The following SYT7 variants were observed in gnomAD, a reference collection of about 807,000 sequenced individuals.
The protein encoded by SYT7 is synaptotagmin 7, also known as synaptotagmin-7.
SYT7 carries 29 observed loss-of-function variants against 75.1 expected under a neutral mutation model. The ratio of observed to expected loss-of-function variants is 0.39; its 90% CI spans 0.29 to 0.53. The LOEUF is 0.53. Among genes scored for constraint, SYT7 ranks in the 20% least tolerant of loss-of-function variants. The pLI, the probability that SYT7 is intolerant of heterozygous loss-of-function variation, is 0.77. For missense variants in SYT7, 693 were observed against 953.2 expected (o/e 0.73, Z 3.59); for synonymous variants, 376 against 401.7 (o/e 0.94, Z 0.76).
At chr11:61,549,420 G>A (rs2063285001) in intron 3 of SYT7, among the ~76,000 whole-genome samples, 2 of 152,200 alleles carry the variant, frequency 1.3e-5, no homozygotes, top group African/African-American at 4.8e-5. Flanking sequence ...TTGGCCGTGA[G>A]ACCCTTGGTT....
chr11:61,587,471 A>C, the SYT7 span, among the ~76,000 whole-genome samples: 1 of 152,238 alleles, frequency 6.6e-6, no homozygotes, highest in South Asian at 2.1e-4. Flanking sequence ...AGGCTCTGAG[A>C]AGTCCAGGGT....
At chr11:61,530,110 C>T (rs1462229915) in intron 8 of SYT7, among the ~76,000 whole-genome samples, 2 of 152,208 alleles carry the variant, frequency 1.3e-5, no homozygotes, top group East Asian at 1.9e-4. Flanking sequence ...ACTGTGGCTG[C>T]GAGCACAGAC....
chr11:61,525,315 G>A (rs907547643), intron 9 of SYT7, among the ~76,000 whole-genome samples: 4 of 152,096 alleles, frequency 2.6e-5, no homozygotes, highest in South Asian at 2.1e-4. Flanking sequence ...AATAAAAGCC[G>A]GGCACCCTAC....
At chr11:61,531,059 C>T (rs2062690158) in intron 8 of SYT7, 1 of 985,338 alleles carries the variant, frequency 1.0e-6, no homozygotes, top group Non-Finnish European at 1.2e-6. Flanking sequence ...GTGCTTAACT[C>T]TTGTCTCTTG....
upstream of SYT7, among the ~76,000 whole-genome samples, chr11:61,584,069 A>G (rs912998119): frequency 2.0e-5 from 3 of 152,192 alleles, no homozygotes; most frequent in Non-Finnish European, 4.4e-5. Context: ...AAGTTTAAGC[A>G]TGGTGAAAAA....
chr11:61,580,699 G>T lies in SYT7; in HGVS notation c.31+91C>A. On this transcript the variant is annotated intron_variant, in intron 1 of 12. Coordinates refer to ENST00000539008, the MANE Select transcript of SYT7 (RefSeq NM_001365809.2). The surrounding 1 kb of genome is among the most constrained non-coding windows in gnomAD (Gnocchi z 6.1). ...CCCGTGCGGCTCCGGGCGGACAACAGCCCCAGGCTGGGGCTCCGAGACGGC... is the reference window on the plus strand; with the variant it reads ...CCCGTGCGGCTCCGGGCGGACAACATCCCCAGGCTGGGGCTCCGAGACGGC... The T allele has an allele frequency of 1.1e-6, 1 of 907,330 alleles. No individual in the cohort carries two copies. The highest frequency in any genetic ancestry group is 1.4e-6 in the Non-Finnish European group (1 of 701,240). The allele number at this position is 907,330 out of a possible 1,614,324, so 56.2% of individuals were successfully genotyped here. A position where few individuals can be genotyped will look rare whatever the true frequency, so the allele number is the denominator to read the frequency against.
rs1351340015 is a variant in SYT7, at chr11:61,581,054, TCCGGCCTGCGCG to T, written c.-246_-235del. ...GCCGAACAGCGCCGAGCCGCCTCCC[TCCGGCCTGCGCG>T]CCGCGTGTGCGCGCCGGAGCGTGTG... is the stretch of plus-strand genomic sequence containing the variant. On this transcript the variant is annotated 5_prime_UTR_variant, in exon 1 of 13. Coordinates refer to ENST00000539008, the MANE Select transcript of SYT7 (RefSeq NM_001365809.2). 3.8e-5 allele frequency: 23 copies of T among 603,364 alleles called. No individual in the cohort carries two copies. Among genetic ancestry groups the T allele is most frequent in the Non-Finnish European group, 4.3e-5 (21 of 488,766 alleles). The allele number at this position is 603,364 out of a possible 1,614,324, so 37.4% of individuals were successfully genotyped here. A position where few individuals can be genotyped will look rare whatever the true frequency, so the allele number is the denominator to read the frequency against.
At chr11:61,550,854 G>A (rs761331190) in intron 3 of SYT7, among the ~76,000 whole-genome samples, 1 of 152,182 alleles carries the variant, frequency 6.6e-6, no homozygotes, top group East Asian at 1.9e-4. Context: ...ACAGCGGCCG[G>A]TGGGGTTGAC....
intron 1 of SYT7, among the ~76,000 whole-genome samples, chr11:61,569,790 C>A (rs1031518990): frequency 6.6e-6 from 1 of 152,110 alleles, no homozygotes; most frequent in South Asian, 2.1e-4. Flanking sequence ...CGGGGGAGGA[C>A]GGCTTGGAGT....
At chr11:61,564,872 G>A (rs1422216534) in intron 1 of SYT7, among the ~76,000 whole-genome samples, 4 of 152,272 alleles carry the variant, frequency 2.6e-5, no homozygotes, top group Admixed American at 2.6e-4. Flanking sequence ...TCAATAGATA[G>A]AGTCTCAGCT....
chr11:61,532,690 A>T (rs986071165), intron 8 of SYT7, among the ~76,000 whole-genome samples: 16 of 152,182 alleles, frequency 1.1e-4, no homozygotes, highest in African/African-American at 3.9e-4. Flanking sequence ...GCCCCTTCTC[A>T]ATCCACAAAG....
At chr11:61,578,207 G>A (rs777008489) in intron 1 of SYT7, among the ~76,000 whole-genome samples, 3 of 152,228 alleles carry the variant, frequency 2.0e-5, no homozygotes, top group African/African-American at 7.2e-5. Flanking sequence ...CAAGGGCCTG[G>A]GGGCCTGAGG....
At chr11:61,534,368 C>T (rs963440273) in intron 7 of SYT7, among the ~76,000 whole-genome samples, 38 of 152,264 alleles carry the variant, frequency 2.5e-4, no homozygotes, top group African/African-American at 7.9e-4. Context: ...GGTGCACGTG[C>T]GCACACACAC....
At chr11:61,566,548 A>G (rs1769762280) in intron 1 of SYT7, among the ~76,000 whole-genome samples, 1 of 152,108 alleles carries the variant, frequency 6.6e-6, no homozygotes, top group African/African-American at 2.4e-5. Flanking sequence ...CTCCCCACCC[A>G]CCTTGATCCC....
In SYT7 at chr11:61,542,607, A is replaced by C; in HGVS notation, c.573-28T>G. 6.8e-7 allele frequency: 1 copy of C among 1,464,622 alleles called. No homozygotes were observed. Among genetic ancestry groups the C allele is most frequent in the Non-Finnish European group, 9.0e-7 (1 of 1,111,498 alleles). 90.7% of individuals were successfully genotyped at this position (1,464,622 alleles called of 1,614,324 possible). A position where few individuals can be genotyped will look rare whatever the true frequency, so the allele number is the denominator to read the frequency against. On this transcript the variant is annotated intron_variant, in intron 5 of 12. Coordinates refer to ENST00000539008, the MANE Select transcript of SYT7 (RefSeq NM_001365809.2). The surrounding 1 kb of genome is among the most constrained non-coding windows in gnomAD (Gnocchi z 7.8). ...TGGGGCAGGTGGAGGAGAGGAGAGA[A>C]AGGAGAAGCAGATGAAGGGATCACA...
chr11:61,546,031 T>C lies in SYT7; in HGVS notation c.572A>G (p.Asn191Ser). 1 of 1,533,168 alleles carries C rather than the reference T, an allele frequency of 6.5e-7. No homozygotes were observed. The highest frequency in any genetic ancestry group is 8.7e-7 in the Non-Finnish European group (1 of 1,145,586). 95.0% of individuals were successfully genotyped at this position (1,533,168 alleles called of 1,614,324 possible). Residue 191 changes from asparagine (N) to serine (S), a missense_variant and splice_region_variant, in exon 5 of 13, where the codon AAT (asparagine) becomes AGT (serine). Around this residue, in one of 2 missense-constraint regions of SYT7, gnomAD observed 487 missense variants for 593.2 expected, o/e 0.82. Coordinates refer to ENST00000539008, the MANE Select transcript of SYT7 (RefSeq NM_001365809.2). The surrounding 1 kb of genome is among the most constrained non-coding windows in gnomAD (Gnocchi z 7.6). The part of the protein sequence containing the change: ...HLAAGKLNLS[N>S]FEDSTLSTAT... ...GCAGCCATGGGGCGCCATCACTCAC[T>C]TGGACAAGTTGAGCTTCCCTGCGGC...
intron 6 of SYT7, chr11:61,539,537 C>G (rs1336325591): frequency 6.6e-6 from 1 of 152,048 alleles, no homozygotes; most frequent in Non-Finnish European, 1.5e-5. Flanking sequence ...CAGGAAAGCT[C>G]GTCTCAAGAA....
At position 61,551,856 on chromosome 11, in the gene SYT7, G is replaced by A. The variant is rs1590906003; in HGVS notation, c.136-393C>T. Among the ~76,000 whole-genome samples, 2 of 152,316 alleles carry A rather than the reference G, an allele frequency of 1.3e-5. No individual in the cohort carries two copies. Among genetic ancestry groups the A allele is most frequent in the South Asian group, 4.1e-4 (2 of 4,832 alleles). On this transcript the variant is annotated intron_variant, in intron 2 of 12. Transcript: ENST00000539008. The surrounding 1 kb of genome is among the most constrained non-coding windows in gnomAD (Gnocchi z 5.3). ...GTCCACGTCACCGCCCCCAGATGGT[G>A]GGGGTGGCATCCTGCAGGGCAAGGT...
chr11:61,542,314 A>G lies in SYT7; in HGVS notation c.838T>C (p.Ser280Pro), dbSNP rs2063066327. 1 of 1,532,946 alleles carries G rather than the reference A, an allele frequency of 6.5e-7. No individual in the cohort carries two copies. The highest frequency in any genetic ancestry group is 2.0e-5 in the Admixed American group (1 of 50,760). 95.0% of individuals were successfully genotyped at this position (1,532,946 alleles called of 1,614,324 possible). A position where few individuals can be genotyped will look rare whatever the true frequency, so the allele number is the denominator to read the frequency against. The stretch of plus-strand genomic sequence containing the variant: ...CGGCCCCCTGCCGCCCGGTACTTGG[A>G]GCCGGCCGAGGTGCCCTGCCGAGCC... Reference protein sequence around the residue: ...GQARQGTSAGSKYRAAGGRSR... With the variant: ...GQARQGTSAGPKYRAAGGRSR... The change falls in exon 6 of 13, where the codon TCC (serine) becomes CCC (proline). Residue 280 changes from serine to proline, a missense_variant. By Grantham distance (74) the Ser-to-Pro change is moderately conservative. Coordinates refer to ENST00000539008, the MANE Select transcript of SYT7 (RefSeq NM_001365809.2). The surrounding 1 kb of genome is among the most constrained non-coding windows in gnomAD (Gnocchi z 7.8).
Sources: allele counts gnomAD v4.1 joint callset (sites outside exome capture counted in the v4.1 genomes callset), GRCh38; gene constraint gnomAD v4.1.1; regional missense constraint gnomAD v4.1.1; non-coding constraint Gnocchi (gnomAD v3.1); transcripts MANE v1.5; gene names NCBI Gene and HGNC (gene_info 2026-07-23, HGNC 2026-07-21).